NLGN1: variants seen among roughly 807,000 people sequenced by gnomAD.
NLGN1 encodes neuroligin 1.
A neutral mutation model predicts 65.5 loss-of-function variants in NLGN1; 12 were observed. That is an observed-to-expected ratio of 0.18 (90% CI 0.12 to 0.30). The LOEUF is 0.30. NLGN1 is among the 10% of genes least tolerant of loss of function. The probability of loss-of-function intolerance (pLI) is 1.00; values close to 1 mark genes in which losing one functional copy is unlikely to be tolerated. For synonymous variants in NLGN1, 350 were observed against 359.5 expected (o/e 0.97, Z 0.30); for missense variants, 750 against 1,007.1 (o/e 0.74, Z 3.46).
intron 4 of NLGN1, among the ~76,000 whole-genome samples, chr3:174,041,983 G>A (rs904731761): frequency 6.6e-6 from 1 of 152,212 alleles, no homozygotes; most frequent in East Asian, 1.9e-4. Context: ...GAACCTGGGA[G>A]GTAGAGGTTG....
At chr3:173,820,348 C>T (rs1720031773) in intron 4 of NLGN1, among the ~76,000 whole-genome samples, 1 of 152,022 alleles carries the variant, frequency 6.6e-6, no homozygotes, top group African/African-American at 2.4e-5. Context: ...CTACATTTCC[C>T]ATATTATTTG....
At chr3:174,083,056 T>C (rs1742563193) in intron 4 of NLGN1, among the ~76,000 whole-genome samples, 1 of 152,188 alleles carries the variant, frequency 6.6e-6, no homozygotes, top group African/African-American at 2.4e-5. Context: ...TTATTCTCTA[T>C]CATTTTATTT....
intron 3 of NLGN1, among the ~76,000 whole-genome samples, chr3:173,606,817 GA>G (rs1162132293): frequency 6.6e-6 from 1 of 151,918 alleles, no homozygotes; most frequent in African/African-American, 2.4e-5. Flanking sequence ...TACTTAAGAA[GA>G]TGGATATGGA....
intron 4 of NLGN1, among the ~76,000 whole-genome samples, chr3:174,025,973 G>T (rs1010186365): frequency 6.6e-6 from 1 of 152,100 alleles, no homozygotes; most frequent in Non-Finnish European, 1.5e-5. Flanking sequence ...ATTAAAATTA[G>T]AGTTTTTTTG....
chr3:173,967,046 A>G (rs1715032554), intron 4 of NLGN1, among the ~76,000 whole-genome samples: 1 of 152,224 alleles, frequency 6.6e-6, no homozygotes. Flanking sequence ...ACGATAAGAC[A>G]AGGTCAGCAA....
intron 3 of NLGN1, among the ~76,000 whole-genome samples, chr3:173,748,505 A>G (rs571814876): frequency 6.6e-6 from 1 of 152,252 alleles, no homozygotes; most frequent in South Asian, 2.1e-4. Context: ...AAATCTCTGT[A>G]TAAACATACA....
chr3:173,822,459 T>C (rs1467644107), intron 4 of NLGN1, among the ~76,000 whole-genome samples: 1 of 152,206 alleles, frequency 6.6e-6, no homozygotes, highest in African/African-American at 2.4e-5. Flanking sequence ...TGAACATTTC[T>C]AATCCAAAAA....
At chr3:173,894,712 A>G (rs2152141244) in intron 4 of NLGN1, among the ~76,000 whole-genome samples, 1 of 145,648 alleles carries the variant, frequency 6.9e-6, no homozygotes, top group African/African-American at 2.6e-5. Flanking sequence ...TTATTGGTTC[A>G]CTGCAACCTA....
chr3:174,277,996 A>G (rs1410629733), intron 5 of NLGN1, among the ~76,000 whole-genome samples: 1 of 152,010 alleles, frequency 6.6e-6, no homozygotes. Context: ...ATGAGAAGAT[A>G]AAGTGTGTTT....
chr3:173,446,064 T>TC (rs1001989924), intron 2 of NLGN1, among the ~76,000 whole-genome samples: 12 of 151,982 alleles, frequency 7.9e-5, no homozygotes, highest in African/African-American at 2.9e-4. Context: ...TTTTTTCTTT[T>TC]TTTTTTTACT....
intron 4 of NLGN1, among the ~76,000 whole-genome samples, chr3:174,012,227 C>G (rs1311177175): frequency 2.0e-5 from 3 of 152,276 alleles, no homozygotes; most frequent in African/African-American, 7.2e-5. Context: ...TACTTACACC[C>G]CAGTCTCAGG....
At chr3:174,230,824 A>G (rs1165117563) in intron 4 of NLGN1, among the ~76,000 whole-genome samples, 1 of 152,236 alleles carries the variant, frequency 6.6e-6, no homozygotes, top group Non-Finnish European at 1.5e-5. Context: ...TAGTACATTT[A>G]TAAGAGAAAC....
chr3:173,607,005 A>T (rs925019689), intron 3 of NLGN1, among the ~76,000 whole-genome samples: 1 of 151,972 alleles, frequency 6.6e-6, no homozygotes, highest in African/African-American at 2.4e-5. Context: ...AAAGATGTTG[A>T]TTCACAAAGT....
chr3:173,627,012 A>G (rs975992225), intron 3 of NLGN1, among the ~76,000 whole-genome samples: 1 of 152,038 alleles, frequency 6.6e-6, no homozygotes, highest in Admixed American at 6.6e-5. Flanking sequence ...AAACAAAAAC[A>G]TTTTCATAAG....
At chr3:174,090,059 T>A (rs1744206289) in intron 4 of NLGN1, among the ~76,000 whole-genome samples, 1 of 152,218 alleles carries the variant, frequency 6.6e-6, no homozygotes, top group African/African-American at 2.4e-5. Context: ...AGCCTTTATT[T>A]ATTGAACTGC....
At chr3:173,747,191 TATATATAATATATATATCTTTAA>T (rs1166098454) in intron 3 of NLGN1, among the ~76,000 whole-genome samples, 18 of 140,116 alleles carry the variant, frequency 1.3e-4, no homozygotes, top group South Asian at 6.4e-4. Flanking sequence ...CAAAACAATA[TATATATAATATATATATCTTTAA>T]GTATATATAT....
At chr3:173,456,407 G>A (rs1398570742) in intron 2 of NLGN1, among the ~76,000 whole-genome samples, 1 of 152,106 alleles carries the variant, frequency 6.6e-6, no homozygotes, top group East Asian at 1.9e-4. Context: ...TACTGCCTGA[G>A]TAATGCTGGG....
At chr3:173,815,342 C>G (rs1718821828) in intron 4 of NLGN1, among the ~76,000 whole-genome samples, 1 of 152,074 alleles carries the variant, frequency 6.6e-6, no homozygotes, top group South Asian at 2.1e-4. Flanking sequence ...CTCCTGACCT[C>G]GTGATCTGCA....
chr3:174,267,263 C>T (rs1001786932), intron 4 of NLGN1, among the ~76,000 whole-genome samples: 2 of 152,258 alleles, frequency 1.3e-5, no homozygotes, highest in South Asian at 2.1e-4. Flanking sequence ...TGGTGAGAGC[C>T]TCTGGCTTCC....
Sources: allele counts gnomAD v4.1 joint callset (sites outside exome capture counted in the v4.1 genomes callset), GRCh38; gene constraint gnomAD v4.1.1; transcripts MANE v1.5; gene names NCBI Gene and HGNC (gene_info 2026-07-23, HGNC 2026-07-21).